CREB5: variants seen among roughly 807,000 people sequenced by gnomAD.
CREB5 encodes the protein cAMP responsive element binding protein 5, also known as cyclic AMP-responsive element-binding protein 5.
Under a neutral mutation model 57.1 loss-of-function variants are expected in CREB5, and 19 were observed. That is an observed-to-expected ratio of 0.33 (90% CI 0.23 to 0.49). The LOEUF is 0.49. Among genes scored for constraint, CREB5 ranks in the 20% least tolerant of loss-of-function variants. The probability of loss-of-function intolerance (pLI) is 0.99; values close to 1 mark genes in which losing one functional copy is unlikely to be tolerated. For synonymous variants in CREB5, 238 were observed against 238.3 expected, an observed-to-expected ratio of 1.00 and a Z score of 0.01; for missense variants, 579 against 671.6, an observed-to-expected ratio of 0.86 and a Z score of 1.52.
intron 7 of CREB5, among the ~76,000 whole-genome samples, chr7:28,793,895 A>G (rs1807875918): frequency 1.3e-5 from 2 of 152,222 alleles, no homozygotes; most frequent in South Asian, 4.1e-4. Flanking sequence ...GATGTGTAGC[A>G]TTGAAGAGAA....
chr7:28,785,039 C>T (rs1807233446), intron 7 of CREB5, among the ~76,000 whole-genome samples: 1 of 152,136 alleles, frequency 6.6e-6, no homozygotes, highest in South Asian at 2.1e-4. Flanking sequence ...AATCATGCAA[C>T]CTATTAATAG....
chr7:28,784,494 ATT>A (rs66535657), intron 7 of CREB5, among the ~76,000 whole-genome samples: 4 of 151,204 alleles, frequency 2.6e-5, no homozygotes, highest in South Asian at 2.1e-4. Context: ...TAGCTATAGG[ATT>A]TTTTTTTCCC....
intron 5 of CREB5, among the ~76,000 whole-genome samples, chr7:28,701,240 C>T (rs539459330): frequency 2.6e-5 from 4 of 152,300 alleles, no homozygotes; most frequent in Non-Finnish European, 5.9e-5. Flanking sequence ...AGTCTAGTTT[C>T]TGCGGGTGCT....
chr7:28,618,987 A>G (rs1365550965), intron 5 of CREB5, among the ~76,000 whole-genome samples: 1 of 152,234 alleles, frequency 6.6e-6, no homozygotes, highest in Non-Finnish European at 1.5e-5. Flanking sequence ...TTCTTGTTAG[A>G]GGCTCTATCA....
intron 5 of CREB5, among the ~76,000 whole-genome samples, chr7:28,712,636 C>T (rs747608774): frequency 6.3e-4 from 94 of 149,000 alleles, no homozygotes; most frequent in Non-Finnish European, 1.1e-3. Flanking sequence ...TGGGTTCAAG[C>T]GACTCCTGTG....
intron 7 of CREB5, among the ~76,000 whole-genome samples, chr7:28,791,018 C>T (rs1005268410): frequency 2.0e-5 from 3 of 152,118 alleles, no homozygotes; most frequent in Non-Finnish European, 4.4e-5. Flanking sequence ...TGAAAACAAC[C>T]GTATAGGATA....
At chr7:28,807,786 G>T (rs1344124058) in intron 8 of CREB5, among the ~76,000 whole-genome samples, 1 of 150,564 alleles carries the variant, frequency 6.6e-6, no homozygotes, top group Non-Finnish European at 1.5e-5. Flanking sequence ...AGAAATGGGA[G>T]AGGAAAAAAA....
chr7:28,603,605 T>C (rs1266732062), intron 5 of CREB5, among the ~76,000 whole-genome samples: 1 of 152,262 alleles, frequency 6.6e-6, no homozygotes, highest in Non-Finnish European at 1.5e-5. Flanking sequence ...GAGGTCTTTG[T>C]TGACAGTGGC....
upstream of CREB5, chr7:28,410,542 G>T: frequency 2.2e-6 from 1 of 456,648 alleles, no homozygotes; most frequent in Middle Eastern, 3.3e-4. Flanking sequence ...GGGGCGTCTG[G>T]TAGATAAAGC....
rs188089349 is a variant in CREB5, at chr7:28,377,809, G to T, written c.-25+78368G>T. Among the ~76,000 whole-genome samples the T allele has an allele frequency of 2.2e-4, 34 of 151,664 alleles. No individual in the cohort carries two copies. In the East Asian group the frequency reaches 6.6e-3, roughly 30 times the overall value. On this transcript the variant is annotated intron_variant, in intron 1 of 9. Coordinates refer to the CREB5 transcript ENST00000396299. The stretch of plus-strand genomic sequence containing the variant: ...TAGCTGGGCGTGGTGGCGGGCTCCT[G>T]TAGTCCCAGCTACTCGGGAGGCTGA...
At chr7:28,542,857 G>A (rs911434441) in intron 4 of CREB5, among the ~76,000 whole-genome samples, 2 of 152,140 alleles carry the variant, frequency 1.3e-5, no homozygotes, top group African/African-American at 4.8e-5. Context: ...ATTACTTAAT[G>A]TTAAATCTTG....
At chr7:28,800,069 T>C (rs1808274861) in intron 7 of CREB5, among the ~76,000 whole-genome samples, 1 of 152,228 alleles carries the variant, frequency 6.6e-6, no homozygotes, top group Non-Finnish European at 1.5e-5. Context: ...TGGTTTCTGC[T>C]CTAAGCTTAC....
intron 2 of CREB5, 44 bp from the exon 3 acceptor site, chr7:28,494,862 A>G: frequency 2.3e-6 from 3 of 1,299,100 alleles, no homozygotes; most frequent in South Asian, 2.9e-5. Flanking sequence ...TTAAAACTGA[A>G]TGGCTCCTCT....
In CREB5 at chr7:28,306,541, G is replaced by GTTTTTTTTTTTTTTTTTTTTTTTTTTTTT. The variant is rs199561235; in HGVS notation, c.-25+7104_-25+7105insTTTTTTTTTTTTTTTTTTTTTTTTTTTTT. 4.5e-5 allele frequency among the ~76,000 whole-genome samples: 2 copies of GTTTTTTTTTTTTTTTTTTTTTTTTTTTTT among 44,458 alleles called. 1 individual carries two copies. The highest frequency in any genetic ancestry group is 1.5e-4 in the African/African-American group (2 of 12,928). 29.2% of individuals were successfully genotyped at this position (44,458 alleles called of 152,430 possible). ...ACTGGTGCCAGTACATACAGATACA[G>GTTTTTTTTTTTTTTTTTTTTTTTTTTTTT]TTTTGTTTTTTTTGTTTTTTTTTTT... is the stretch of plus-strand genomic sequence containing the variant. On this transcript the variant is annotated intron_variant, in intron 1 of 9. Transcript: ENST00000396299.
At chr7:28,806,213 G>A (rs1808723510) in intron 8 of CREB5, among the ~76,000 whole-genome samples, 1 of 152,198 alleles carries the variant, frequency 6.6e-6, no homozygotes, top group Non-Finnish European at 1.5e-5. Context: ...AAGTCAGTAA[G>A]TGGCCAATAG....
At chr7:28,807,539 T>C (rs1808817012) in intron 8 of CREB5, among the ~76,000 whole-genome samples, 1 of 152,214 alleles carries the variant, frequency 6.6e-6, no homozygotes, top group Non-Finnish European at 1.5e-5. Context: ...CAGTTAGTCA[T>C]AGATGGTTTG....
chr7:28,346,866 T>C (rs1032368789), intron 1 of CREB5, among the ~76,000 whole-genome samples: 1 of 148,860 alleles, frequency 6.7e-6, no homozygotes, highest in Non-Finnish European at 1.5e-5. Flanking sequence ...GAGTGCCAAA[T>C]GGTCATGAAT....
At chr7:28,445,214 G>T (rs1461586833) in intron 1 of CREB5, among the ~76,000 whole-genome samples, 1 of 152,112 alleles carries the variant, frequency 6.6e-6, no homozygotes, top group Admixed American at 6.5e-5. Context: ...AATTAAACCT[G>T]TTTTTCTTTA....
At chr7:28,344,077 C>A (rs954731669) in intron 1 of CREB5, among the ~76,000 whole-genome samples, 24 of 147,276 alleles carry the variant, frequency 1.6e-4, no homozygotes, top group African/African-American at 5.3e-4. Context: ...GAGTTGAGTT[C>A]ATTATATGTT....
Sources: allele counts gnomAD v4.1 joint callset (sites outside exome capture counted in the v4.1 genomes callset), GRCh38; gene constraint gnomAD v4.1.1; transcripts MANE v1.5; gene names NCBI Gene and HGNC (gene_info 2026-07-23, HGNC 2026-07-21).